RARB: variants seen among roughly 807,000 people sequenced by gnomAD.
The protein encoded by RARB is HBV-activated protein.
RARB carries 17 observed loss-of-function variants against 51.9 expected under a neutral mutation model. The ratio of observed to expected loss-of-function variants is 0.33; its 90% CI spans 0.22 to 0.49. RARB has a LOEUF of 0.49. Among genes scored for constraint, RARB ranks in the 20% least tolerant of loss-of-function variants. The pLI, the probability that RARB is intolerant of heterozygous loss-of-function variation, is 0.99. For missense variants in RARB, 369 were observed against 550.8 expected, an observed-to-expected ratio of 0.67 and a Z score of 3.30; for synonymous variants, 215 against 195.4, an observed-to-expected ratio of 1.10 and a Z score of -0.84.
intron 5 of RARB, among the ~76,000 whole-genome samples, chr3:25,345,476 C>G (rs1050731106): frequency 1.5e-4 from 23 of 151,798 alleles, no homozygotes; most frequent in Non-Finnish European, 3.1e-4. Context: ...ACCAGCCTGG[C>G]CAATATGGTG....
At chr3:24,989,180 T>C (rs1696859551) in intron 2 of RARB, among the ~76,000 whole-genome samples, 1 of 152,206 alleles carries the variant, frequency 6.6e-6, no homozygotes, top group Non-Finnish European at 1.5e-5. Flanking sequence ...TACTTATTTC[T>C]TATATACGTG....
chr3:25,147,416 A>C (rs1700210632), intron 4 of RARB, among the ~76,000 whole-genome samples: 1 of 152,158 alleles, frequency 6.6e-6, no homozygotes, highest in Admixed American at 6.5e-5. Flanking sequence ...ACTGCTTAAC[A>C]AGGTTACTTC....
chr3:25,496,980 G>A (rs1431991623), intron 2 of RARB, among the ~76,000 whole-genome samples: 2 of 152,200 alleles, frequency 1.3e-5, no homozygotes. Flanking sequence ...TGCCTCCCGG[G>A]TTCAAGCGAT....
intron 3 of RARB, among the ~76,000 whole-genome samples, chr3:25,544,674 C>G (rs7623826): frequency 0.14 from 21,413 of 152,010 alleles, 1,888 homozygotes; most frequent in African/African-American, 0.24. Flanking sequence ...GTCATTCCCC[C>G]GCCCCCTCCT....
intron 5 of RARB, among the ~76,000 whole-genome samples, chr3:25,319,054 G>T (rs1175364886): frequency 6.6e-6 from 1 of 152,158 alleles, no homozygotes; most frequent in Admixed American, 6.6e-5. Flanking sequence ...TAATATTAAA[G>T]ATGATTTTCA....
intron 5 of RARB, among the ~76,000 whole-genome samples, chr3:25,192,817 A>G (rs1701137165): frequency 6.6e-6 from 1 of 152,004 alleles, no homozygotes; most frequent in Non-Finnish European, 1.5e-5. Flanking sequence ...GGTCTTACTC[A>G]TAATTGGGAG....
At chr3:24,867,005 A>G (rs988604775) in intron 2 of RARB, among the ~76,000 whole-genome samples, 8 of 152,048 alleles carry the variant, frequency 5.3e-5, no homozygotes, top group Admixed American at 4.6e-4. Context: ...TGGAGGTCCA[A>G]GTGGAGCCAT....
chr3:25,279,670 T>C (rs1306248638), intron 5 of RARB, among the ~76,000 whole-genome samples: 2 of 151,608 alleles, frequency 1.3e-5, no homozygotes, highest in Non-Finnish European at 2.9e-5. Flanking sequence ...GTTAGAGTGG[T>C]TTTGAGAAAT....
chr3:24,981,706 TAGGAAAGGGAAATCTCCTG>T (rs1330437192), intron 2 of RARB, among the ~76,000 whole-genome samples: 3 of 152,090 alleles, frequency 2.0e-5, no homozygotes, highest in African/African-American at 7.2e-5. Flanking sequence ...TTCCCTTGGT[TAGGAAAGGGAAATCTCCTG>T]ACCCCTTATG....
chr3:25,021,380 C>CT (rs34936837), intron 2 of RARB, among the ~76,000 whole-genome samples: 6 of 151,580 alleles, frequency 4.0e-5, no homozygotes, highest in South Asian at 2.1e-4. Flanking sequence ...AGTTTATTGC[C>CT]TTTTTTTTAG....
chr3:25,066,276 A>G (rs139658084), intron 3 of RARB, among the ~76,000 whole-genome samples: 1 of 152,180 alleles, frequency 6.6e-6, no homozygotes, highest in African/African-American at 2.4e-5. Context: ...GATGACTTGA[A>G]TTGGTTGACT....
chr3:25,047,827 G>A (rs1482055508), intron 2 of RARB, among the ~76,000 whole-genome samples: 2 of 152,148 alleles, frequency 1.3e-5, no homozygotes, highest in African/African-American at 2.4e-5. Context: ...CAGAGCAGCA[G>A]GATGATATGG....
rs1697630908 is a variant in RARB, at chr3:25,021,313, G to A, written c.-379-38812G>A. On this transcript the variant is annotated intron_variant, in intron 2 of 11. Coordinates refer to the RARB transcript ENST00000383772. Reference sequence around the variant, plus strand: ...TTTATGTCAGTCAAGGATTTTTTCTGGTATTACCTGAGAAAGTAGAAGATT... The same window carrying A: ...TTTATGTCAGTCAAGGATTTTTTCTAGTATTACCTGAGAAAGTAGAAGATT... Among the ~76,000 whole-genome samples the A allele has an allele frequency of 2.0e-5, 3 of 152,114 alleles. 1 individual carries two copies. In the South Asian group the frequency reaches 6.2e-4, roughly 31 times the overall value.
chr3:25,370,079 C>G (rs1055611952), intron 5 of RARB, among the ~76,000 whole-genome samples: 4 of 151,976 alleles, frequency 2.6e-5, no homozygotes, highest in African/African-American at 7.3e-5. Context: ...GAGAGTGTGT[C>G]ATGTATGTGT....
intron 5 of RARB, among the ~76,000 whole-genome samples, chr3:25,357,968 T>C (rs1171782073): frequency 6.6e-6 from 1 of 152,226 alleles, no homozygotes; most frequent in East Asian, 1.9e-4. Flanking sequence ...TTATTTTTGC[T>C]TAGGATTGTC....
intron 1 of RARB, among the ~76,000 whole-genome samples, chr3:24,850,819 T>C (rs907726198): frequency 1.3e-5 from 2 of 152,186 alleles, no homozygotes; most frequent in African/African-American, 2.4e-5. Context: ...TTCTGCATTT[T>C]TAACAAGCTT....
chr3:25,286,083 C>CTTTT (rs33947703), intron 5 of RARB, among the ~76,000 whole-genome samples: 10 of 76,476 alleles, frequency 1.3e-4, no homozygotes, highest in African/African-American at 2.8e-4. Context: ...TGATCTTTCT[C>CTTTT]TTTTTTTTTT....
intron 2 of RARB, among the ~76,000 whole-genome samples, chr3:25,485,667 A>G (rs1278502211): frequency 6.6e-6 from 1 of 152,234 alleles, no homozygotes; most frequent in East Asian, 1.9e-4. Context: ...TACAGACATT[A>G]GCAAAAGGAA....
intron 5 of RARB, among the ~76,000 whole-genome samples, chr3:25,300,640 C>A (rs1006827830): frequency 1.3e-5 from 2 of 152,080 alleles, no homozygotes; most frequent in Non-Finnish European, 2.9e-5. Flanking sequence ...CTCAGGGAAG[C>A]TAGGACTGTA....
Sources: gnomAD v4.1 joint callset for allele counts (sites outside exome capture counted in the v4.1 genomes callset) on GRCh38, gnomAD v4.1.1 for gene constraint, MANE v1.5 for transcripts, NCBI Gene and HGNC (gene_info 2026-07-23, HGNC 2026-07-21) for gene names.